Variants in METTL8 observed in about 807,000 individuals in gnomAD.
METTL8 encodes methyltransferase 8, tRNA N3-cytidine, also known as tRNA N(3)-cytidine methyltransferase METTL8, mitochondrial.
Under a neutral mutation model 48.7 loss-of-function variants are expected in METTL8, and 32 were observed. That is an observed-to-expected ratio of 0.66 (90% CI 0.50 to 0.88). The LOEUF (loss-of-function observed/expected upper bound fraction) is 0.88, where lower values mean the gene tolerates loss of function less well. Ranked by LOEUF, METTL8 falls within the 40% of genes least tolerant of loss-of-function variation. METTL8 has a pLI of 0.00. For missense variants in METTL8, 464 were observed against 474.4 expected, an observed-to-expected ratio of 0.98 and a Z score of 0.20; for synonymous variants, 136 against 157.1, an observed-to-expected ratio of 0.87 and a Z score of 1.01.
At chr2:171,410,360 A>G (rs771050674) in intron 1 of METTL8, among the ~76,000 whole-genome samples, 2 of 152,180 alleles carry the variant, frequency 1.3e-5, no homozygotes, top group Non-Finnish European at 2.9e-5. Context: ...TAGCTGAAAC[A>G]TTGCCAATCC....
At chr2:171,336,392 A>G (rs1176970063) in intron 5 of METTL8, among the ~76,000 whole-genome samples, 1 of 122,268 alleles carries the variant, frequency 8.2e-6, no homozygotes, top group Non-Finnish European at 1.6e-5. Flanking sequence ...ACCACGCCCG[A>G]CTGCTTTTTT....
At chr2:171,336,820 G>A (rs956722403) in intron 5 of METTL8, among the ~76,000 whole-genome samples, 5 of 146,860 alleles carry the variant, frequency 3.4e-5, no homozygotes, top group African/African-American at 1.3e-4. Flanking sequence ...AATCTCTGAA[G>A]TTTAGCAGTT....
chr2:171,424,260 G>A (rs906318334), intron 1 of METTL8, among the ~76,000 whole-genome samples: 6 of 152,244 alleles, frequency 3.9e-5, no homozygotes, highest in Non-Finnish European at 7.3e-5. Flanking sequence ...CTATGGCAGT[G>A]CGGAAGGGAA....
At chr2:171,374,160 C>T (rs1327311718) in intron 2 of METTL8, among the ~76,000 whole-genome samples, 1 of 152,064 alleles carries the variant, frequency 6.6e-6, no homozygotes. Context: ...TTTAGAGGTC[C>T]TTCGCATCCC....
At chr2:171,407,155 G>C (rs1303892828) in intron 1 of METTL8, among the ~76,000 whole-genome samples, 2 of 152,106 alleles carry the variant, frequency 1.3e-5, no homozygotes, top group African/African-American at 4.8e-5. Context: ...GGAAGAGGAG[G>C]GTAGAAGGAA....
At chr2:171,377,064 T>C (rs1687047900) in intron 2 of METTL8, among the ~76,000 whole-genome samples, 1 of 152,096 alleles carries the variant, frequency 6.6e-6, no homozygotes, top group South Asian at 2.1e-4. Flanking sequence ...CAACTAATCT[T>C]CAACAAAACA....
At chr2:171,351,909 A>C (rs1232422286) in intron 3 of METTL8, among the ~76,000 whole-genome samples, 1 of 152,198 alleles carries the variant, frequency 6.6e-6, no homozygotes, top group Non-Finnish European at 1.5e-5. Flanking sequence ...TCATCTGCAA[A>C]TAGGGAAAAT....
At chr2:171,348,380 C>T (rs1425077537) in intron 3 of METTL8, among the ~76,000 whole-genome samples, 2 of 152,122 alleles carry the variant, frequency 1.3e-5, no homozygotes, top group African/African-American at 4.8e-5. Context: ...TGACCATAGA[C>T]AGTATGTCAA....
intron 2 of METTL8, among the ~76,000 whole-genome samples, chr2:171,371,354 T>C (rs1186926387): frequency 1.3e-5 from 2 of 152,186 alleles, no homozygotes; most frequent in Admixed American, 1.3e-4. Context: ...GTTTTCATTT[T>C]TCATTATTAA....
chr2:171,388,887 T>A (rs1418412758), intron 2 of METTL8, among the ~76,000 whole-genome samples: 1 of 152,248 alleles, frequency 6.6e-6, no homozygotes, highest in African/African-American at 2.4e-5. Context: ...TAGAGTACCA[T>A]GAACCATATC....
At chr2:171,412,561 T>C (rs982042455) in intron 1 of METTL8, among the ~76,000 whole-genome samples, 3 of 151,826 alleles carry the variant, frequency 2.0e-5, no homozygotes, top group Non-Finnish European at 4.4e-5. Flanking sequence ...TTCATGATAA[T>C]ATCAACATAT....
chr2:171,394,525 C>T (rs982816009), intron 1 of METTL8, among the ~76,000 whole-genome samples: 1 of 152,138 alleles, frequency 6.6e-6, no homozygotes, highest in African/African-American at 2.4e-5. Flanking sequence ...ATCTTGCAGG[C>T]TGCTAGTCTG....
intron 1 of METTL8, among the ~76,000 whole-genome samples, chr2:171,428,335 T>C (rs964959424): frequency 1.3e-5 from 2 of 152,202 alleles, no homozygotes; most frequent in African/African-American, 4.8e-5. Flanking sequence ...AGACTAAATC[T>C]GCATCTAAGC....
intron 2 of METTL8, among the ~76,000 whole-genome samples, chr2:171,373,727 T>G (rs182614545): frequency 0.022 from 3,342 of 152,346 alleles, 49 homozygotes; most frequent in Middle Eastern, 0.041. Flanking sequence ...CACCATTTAT[T>G]AAATAGGGAA....
At chr2:171,387,541 A>AT (rs200199679) in intron 2 of METTL8, among the ~76,000 whole-genome samples, 3 of 149,748 alleles carry the variant, frequency 2.0e-5, no homozygotes, top group African/African-American at 7.6e-5. Flanking sequence ...TTTAAAAAAA[A>AT]TTAAAAAAAA....
At chr2:171,399,907 G>A (rs528730516) in intron 1 of METTL8, among the ~76,000 whole-genome samples, 1 of 152,214 alleles carries the variant, frequency 6.6e-6, no homozygotes, top group East Asian at 1.9e-4. Flanking sequence ...TGGAGGCTGA[G>A]GCAGGAGGAT....
At chr2:171,373,734 G>T (rs1316677559) in intron 2 of METTL8, among the ~76,000 whole-genome samples, 1 of 152,134 alleles carries the variant, frequency 6.6e-6, no homozygotes, top group East Asian at 1.9e-4. Flanking sequence ...TATTAAATAG[G>T]GAATCCTTTC....
chr2:171,361,591 T>C (rs1231130394), intron 2 of METTL8, among the ~76,000 whole-genome samples: 1 of 152,236 alleles, frequency 6.6e-6, no homozygotes, highest in Non-Finnish European at 1.5e-5. Flanking sequence ...TACATATGTC[T>C]TATTTAATCC....
chr2:171,426,463 G>C (rs1299200771), intron 1 of METTL8, among the ~76,000 whole-genome samples: 1 of 152,050 alleles, frequency 6.6e-6, no homozygotes, highest in Non-Finnish European at 1.5e-5. Context: ...GTAATATTCT[G>C]TTTATTTTTA....
Sources: allele counts gnomAD v4.1 joint callset (sites outside exome capture counted in the v4.1 genomes callset), GRCh38; gene constraint gnomAD v4.1.1; transcripts MANE v1.5; gene names NCBI Gene and HGNC (gene_info 2026-07-23, HGNC 2026-07-21).